The following CTNNA2 variants were observed in gnomAD, a reference collection of about 807,000 sequenced individuals.
CTNNA2 encodes the protein catenin alpha-2.
In CTNNA2, 42 loss-of-function variants were observed where a neutral mutation model predicts 101.0. That is an observed-to-expected ratio of 0.42 (90% confidence interval 0.32 to 0.54). The LOEUF is 0.54. CTNNA2 is among the 20% of genes least tolerant of loss of function. CTNNA2 has a pLI of 0.14. For synonymous variants in CTNNA2, 450 were observed against 456.4 expected (o/e 0.99, Z 0.18); for missense variants, 871 against 1,223.1 (o/e 0.71, Z 4.29).
chr2:79,323,331 G>A (rs1490364412), intron 3 of CTNNA2, among the ~76,000 whole-genome samples: 1 of 152,132 alleles, frequency 6.6e-6, no homozygotes, highest in Non-Finnish European at 1.5e-5. Context: ...TGAGAAAAGT[G>A]CATGGATAAT....
chr2:79,909,818 T>C, intron 7 of CTNNA2, 21 bp downstream of exon 7: 1 of 1,579,212 alleles, frequency 6.3e-7, no homozygotes, highest in South Asian at 1.1e-5. Context: ...GGATCTCCAT[T>C]CTCATGTCTT....
intron 7 of CTNNA2, among the ~76,000 whole-genome samples, chr2:79,920,197 A>T (rs75985769): frequency 0.09 from 13,752 of 152,252 alleles, 841 homozygotes; most frequent in South Asian, 0.17. Flanking sequence ...AACCTAGGCA[A>T]TGAGAGTGAA....
At chr2:79,376,273 A>G (rs972978035) in intron 4 of CTNNA2, among the ~76,000 whole-genome samples, 3 of 152,152 alleles carry the variant, frequency 2.0e-5, no homozygotes, top group Non-Finnish European at 4.4e-5. Context: ...TGCAGAAATG[A>G]GTAGGAAACA....
intron 4 of CTNNA2, among the ~76,000 whole-genome samples, chr2:79,480,494 T>C (rs1184659849): frequency 2.0e-5 from 3 of 152,202 alleles, no homozygotes; most frequent in Non-Finnish European, 4.4e-5. Context: ...CTTAAATTAT[T>C]GGTTCTATTA....
intron 4 of CTNNA2, among the ~76,000 whole-genome samples, chr2:79,473,722 T>G (rs1178387074): frequency 6.6e-6 from 1 of 152,192 alleles, no homozygotes; most frequent in Non-Finnish European, 1.5e-5. Context: ...AATGTCATCA[T>G]GTGGTGAACT....
At chr2:79,308,109 A>T (rs1248792718) in intron 2 of CTNNA2, among the ~76,000 whole-genome samples, 1 of 152,134 alleles carries the variant, frequency 6.6e-6, no homozygotes, top group African/African-American at 2.4e-5. Flanking sequence ...CAGTGGCATG[A>T]TCTCGGCTCA....
At chr2:79,353,200 T>C (rs1573111427) in intron 3 of CTNNA2, among the ~76,000 whole-genome samples, 1 of 152,230 alleles carries the variant, frequency 6.6e-6, no homozygotes, top group East Asian at 1.9e-4. Flanking sequence ...GTGTCTGATT[T>C]CATTACATTT....
At chr2:79,690,968 A>G (rs898420874) in intron 2 of CTNNA2, among the ~76,000 whole-genome samples, 1 of 152,034 alleles carries the variant, frequency 6.6e-6, no homozygotes, top group Non-Finnish European at 1.5e-5. Flanking sequence ...ATGATATCAT[A>G]TGTAATAAGA....
At chr2:80,563,622 C>T (rs776028836) in intron 12 of CTNNA2, among the ~76,000 whole-genome samples, 1 of 152,124 alleles carries the variant, frequency 6.6e-6, no homozygotes, top group East Asian at 1.9e-4. Context: ...GTGATTCTCC[C>T]CACCTCAGTC....
chr2:79,234,824 A>T (rs1202559408), intron 2 of CTNNA2, among the ~76,000 whole-genome samples: 2 of 152,122 alleles, frequency 1.3e-5, no homozygotes, highest in Admixed American at 1.3e-4. Context: ...CTATTCTGCT[A>T]TTGATACTTC....
At chr2:79,536,574 A>AGTATGTGTGTGTGTGTGTGTGTGTGTGT (rs34403615) in intron 1 of CTNNA2, among the ~76,000 whole-genome samples, 58 of 146,808 alleles carry the variant, frequency 4.0e-4, no homozygotes, top group South Asian at 8.8e-4. Context: ...TCTCTAAAGA[A>AGTATGTGTGTGTGTGTGTGTGTGTGTGT]GTGTGTGTGT....
At chr2:80,549,813 A>G (rs1178584009) in intron 11 of CTNNA2, among the ~76,000 whole-genome samples, 4 of 152,280 alleles carry the variant, frequency 2.6e-5, no homozygotes, top group East Asian at 1.9e-4. Flanking sequence ...CCTGCTGCCT[A>G]TAGGCCACTG....
chr2:80,004,128 T>C (rs1321817794), intron 7 of CTNNA2, among the ~76,000 whole-genome samples: 2 of 152,210 alleles, frequency 1.3e-5, no homozygotes, highest in Non-Finnish European at 2.9e-5. Context: ...TGCAAGACTT[T>C]TCAGAACCTT....
intron 7 of CTNNA2, among the ~76,000 whole-genome samples, chr2:80,284,237 C>A (rs1294080642): frequency 6.6e-6 from 1 of 152,104 alleles, no homozygotes; most frequent in Non-Finnish European, 1.5e-5. Context: ...GGGGCCCTAA[C>A]TCTGGATGAT....
At chr2:79,892,552 A>G (rs1684383958) in intron 6 of CTNNA2, among the ~76,000 whole-genome samples, 1 of 152,206 alleles carries the variant, frequency 6.6e-6, no homozygotes, top group Non-Finnish European at 1.5e-5. Flanking sequence ...GTGATTTCCA[A>G]TTAGGTCAGT....
At chr2:79,669,704 C>A (rs1264021022) in intron 2 of CTNNA2, among the ~76,000 whole-genome samples, 2 of 152,180 alleles carry the variant, frequency 1.3e-5, no homozygotes, top group East Asian at 3.9e-4. Context: ...CAGGTCGTCT[C>A]TGCAGCTCTC....
In CTNNA2 at chr2:80,081,100, TA is replaced by T. The variant is rs201956999; in HGVS notation, c.1056+171316del. 6.3e-3 allele frequency among the ~76,000 whole-genome samples: 900 copies of T among 142,228 alleles called. 4 individuals are homozygous for T. Among genetic ancestry groups the T allele is most frequent in the African/African-American group, 0.014 (551 of 39,396 alleles). The allele number at this position is 142,228 out of a possible 152,430, so 93.3% of individuals were successfully genotyped here. ...GTACATTAATATTTTAAATGTTGGT[TA>T]AAAAAAAAAAAAGCGTGGTCGGGTG... is the stretch of plus-strand genomic sequence containing the variant. On this transcript the variant is annotated intron_variant, in intron 7 of 18. Transcript: ENST00000402739.
chr2:80,610,529 T>G (rs567720655), intron 17 of CTNNA2, among the ~76,000 whole-genome samples: 1 of 151,802 alleles, frequency 6.6e-6, no homozygotes, highest in Non-Finnish European at 1.5e-5. Context: ...TCCCTGTGTT[T>G]ATACACATGG....
At chr2:79,547,638 T>G (rs891124794) in intron 1 of CTNNA2, 1 of 152,198 alleles carries the variant, frequency 6.6e-6, no homozygotes. Context: ...ATTATCTTCG[T>G]AGGGCCTCCC....
Sources: allele counts gnomAD v4.1 joint callset (sites outside exome capture counted in the v4.1 genomes callset), GRCh38; gene constraint gnomAD v4.1.1; transcripts MANE v1.5; gene names NCBI Gene and HGNC (gene_info 2026-07-23, HGNC 2026-07-21).